The following ZNF540 variants were observed in gnomAD, a reference collection of about 807,000 sequenced individuals.
ZNF540 encodes zinc finger protein 540, also known as CTD-3064H18.6.
Under a neutral mutation model 11.8 loss-of-function variants are expected in ZNF540, and 3 were observed. The ratio of observed to expected loss-of-function variants is 0.25; its 90% confidence interval spans 0.12 to 0.65. ZNF540 has a LOEUF of 0.65. Ranked by LOEUF, ZNF540 falls within the 30% of genes least tolerant of loss-of-function variation. The probability of loss-of-function intolerance (pLI) is 0.83; values close to 1 mark genes in which losing one functional copy is unlikely to be tolerated. For missense variants in ZNF540, 709 were observed against 793.1 expected (o/e 0.89, Z 1.27); for synonymous variants, 247 against 259.0 (o/e 0.95, Z 0.45).
intron 1 of ZNF540, chr19:37,556,236 A>T (rs1013747954): frequency 1.6e-6 from 1 of 641,798 alleles, no homozygotes; most frequent in Non-Finnish European, 2.8e-6. Context: ...GGTGTTTGCA[A>T]ATACACATCC....
Position 37,596,864 on chromosome 19 carries a change from G to A in ZNF540, c.-72-1512G>A, listed in dbSNP as rs370814259. Among the ~76,000 whole-genome samples, 28 of 152,158 alleles carry A rather than the reference G, an allele frequency of 1.8e-4. 1 individual carries two copies. In the South Asian group the frequency reaches 4.8e-3, roughly 26 times the overall value. On this transcript the variant is annotated intron_variant, in intron 1 of 4. Coordinates refer to ENST00000316433, the MANE Select transcript of ZNF540 (RefSeq NM_001172225.3). ...ATAAAATGCTATTTGCCACTTTAACGTATATTATCTTAATAAGTAGCAACA... is the reference window on the plus strand; with the variant it reads ...ATAAAATGCTATTTGCCACTTTAACATATATTATCTTAATAAGTAGCAACA...
chr19:37,574,185 T>C (rs2043165597), intron 1 of ZNF540, among the ~76,000 whole-genome samples: 1 of 152,228 alleles, frequency 6.6e-6, no homozygotes, highest in Admixed American at 6.5e-5. Flanking sequence ...TTAATAGATA[T>C]GCCTTTCCTT....
rs768875672 is a variant in ZNF540 at position 37,564,677 on chromosome 19, T to C, written c.-73+13012T>C. ...ACCACACTGGACACATGTATAGGGT[T>C]TCTCACCAGTATGGATCCTTTGATG... On this transcript the variant is annotated intron_variant, in intron 1 of 4. Transcript: ENST00000592533. 3.1e-6 allele frequency: 5 copies of C among 1,613,262 alleles called. No individual in the cohort carries two copies. In the Admixed American group the frequency reaches 8.3e-5, roughly 27 times the overall value.
Position 37,599,700 on chromosome 19 carries a change from G to A in ZNF540, c.84G>A (p.Arg28=). 1 of 1,613,552 alleles carries A rather than the reference G, an allele frequency of 6.2e-7. No individual in the cohort carries two copies. Among genetic ancestry groups the A allele is most frequent in the Non-Finnish European group, 8.5e-7 (1 of 1,179,720 alleles). ...GGGAGTGCCTGGACACTACCCAGAGGAAATTGTACAGAGATGTGATGTTGG... is the reference window on the plus strand; with the variant it reads ...GGGAGTGCCTGGACACTACCCAGAGAAAATTGTACAGAGATGTGATGTTGG... ...KEWECLDTTQ[R]KLYRDVMLEN... Residue 28 remains arginine (R), a synonymous_variant, in exon 3 of 5, where the codon AGG becomes AGA. Transcript: ENST00000316433.
chr19:37,566,078 T>C (rs763049889), intron 1 of ZNF540: 2 of 1,614,102 alleles, frequency 1.2e-6, no homozygotes, highest in South Asian at 2.2e-5. Context: ...TTCAGTGGCC[T>C]TTTCTTCACA....
intron 3 of ZNF540, among the ~76,000 whole-genome samples, chr19:37,600,490 TAAC>T (rs1479223333): frequency 6.6e-5 from 10 of 152,072 alleles, no homozygotes; most frequent in African/African-American, 1.2e-4. Context: ...CTAAGTAAAT[TAAC>T]AACAACAAAA....
At chr19:37,611,102 ACCT>A in intron 4 of ZNF540, 1 of 153,522 alleles carries the variant, frequency 6.5e-6, no homozygotes, top group East Asian at 1.9e-4. Flanking sequence ...GCTCACTGCA[ACCT>A]CCGCCTCCCA....
intron 1 of ZNF540, among the ~76,000 whole-genome samples, chr19:37,556,903 G>C (rs777262856): frequency 6.6e-6 from 1 of 152,126 alleles, no homozygotes; most frequent in Non-Finnish European, 1.5e-5. Context: ...CGTTCTACCT[G>C]CCCAGAGCTC....
At chr19:37,599,093 A>G (rs939206962) in intron 2 of ZNF540, among the ~76,000 whole-genome samples, 15 of 152,182 alleles carry the variant, frequency 9.9e-5, no homozygotes, top group Non-Finnish European at 1.8e-4. Context: ...GTGAGGTACT[A>G]TGGCCTCGAA....
chr19:37,593,242 C>T (rs997956352), upstream of ZNF540, among the ~76,000 whole-genome samples: 13 of 151,514 alleles, frequency 8.6e-5, no homozygotes, highest in African/African-American at 3.2e-4. Flanking sequence ...TAGGAAAAAA[C>T]GGGGAAGGAT....
chr19:37,585,382 G>C (rs1485622930), intron 1 of ZNF540: 2 of 152,190 alleles, frequency 1.3e-5, no homozygotes, highest in Non-Finnish European at 2.9e-5. Flanking sequence ...ACCTTCAACA[G>C]AGATAAGAGA....
intron 1 of ZNF540, among the ~76,000 whole-genome samples, chr19:37,558,159 T>A (rs1176935219): frequency 3.3e-5 from 5 of 152,212 alleles, no homozygotes; most frequent in Non-Finnish European, 4.4e-5. Context: ...CTGTACCTCT[T>A]GGATAGCCGC....
chr19:37,581,596 C>T (rs1240458066), intron 1 of ZNF540, among the ~76,000 whole-genome samples: 1 of 151,766 alleles, frequency 6.6e-6, no homozygotes, highest in Admixed American at 6.6e-5. Flanking sequence ...TCCCAAGTAG[C>T]TAGGACCACA....
intron 1 of ZNF540, chr19:37,560,788 G>A (rs147011851): frequency 6.6e-6 from 1 of 152,266 alleles, no homozygotes; most frequent in African/African-American, 2.4e-5. Flanking sequence ...TAGTAATTCT[G>A]ATTAGTGTAC....
intron 1 of ZNF540, among the ~76,000 whole-genome samples, chr19:37,572,883 A>T (rs1374280318): frequency 6.6e-6 from 1 of 151,484 alleles, no homozygotes; most frequent in East Asian, 1.9e-4. Context: ...ATATTTATTC[A>T]TTCAGGGCAA....
chr19:37,603,243 A>C (rs1023523757), intron 4 of ZNF540, among the ~76,000 whole-genome samples: 3 of 152,060 alleles, frequency 2.0e-5, no homozygotes, highest in African/African-American at 7.2e-5. Context: ...CTGACCTCAG[A>C]TGATCCACCC....
intron 1 of ZNF540, among the ~76,000 whole-genome samples, chr19:37,556,697 T>G (rs2042663589): frequency 6.6e-6 from 1 of 152,220 alleles, no homozygotes; most frequent in Non-Finnish European, 1.5e-5. Context: ...TCTTTTGTGA[T>G]ATTTCTGCCA....
At chr19:37,596,143 A>G (rs1022080563) in intron 1 of ZNF540, among the ~76,000 whole-genome samples, 3 of 152,234 alleles carry the variant, frequency 2.0e-5, no homozygotes, top group Admixed American at 2.0e-4. Context: ...TTGATAGTCA[A>G]GATAGATCAT....
intron 1 of ZNF540, chr19:37,586,499 G>C (rs2043677989): frequency 1.4e-6 from 1 of 694,206 alleles, no homozygotes; most frequent in African/African-American, 1.8e-5. Context: ...GAGGGGAAAA[G>C]CATTGAGAAG....
Sources: gnomAD v4.1 joint callset for allele counts (sites outside exome capture counted in the v4.1 genomes callset) on GRCh38, gnomAD v4.1.1 for gene constraint, MANE v1.5 for transcripts, NCBI Gene and HGNC (gene_info 2026-07-23, HGNC 2026-07-21) for gene names.